Variants in RANBP10 observed in about 807,000 individuals in gnomAD.
RANBP10 encodes the protein ran-binding protein 10.
A neutral mutation model predicts 72.8 loss-of-function variants in RANBP10; 24 were observed. That is an observed-to-expected ratio of 0.33 (90% CI 0.24 to 0.46). The LOEUF is 0.46. Ranked by LOEUF, RANBP10 falls within the 20% of genes least tolerant of loss-of-function variation. The pLI is 1.00. For missense variants in RANBP10, 679 were observed against 817.5 expected (o/e 0.83, Z 2.07); for synonymous variants, 310 against 322.3 (o/e 0.96, Z 0.41).
chr16:67,798,718 G>A (rs1313563869), intron 2 of RANBP10, among the ~76,000 whole-genome samples: 3 of 152,070 alleles, frequency 2.0e-5, no homozygotes, highest in Non-Finnish European at 4.4e-5. Context: ...AAAGACAACC[G>A]CTATGAGAAA....
At chr16:67,732,525 G>A (rs933030798) in intron 6 of RANBP10, among the ~76,000 whole-genome samples, 2 of 152,142 alleles carry the variant, frequency 1.3e-5, no homozygotes, top group African/African-American at 4.8e-5. Context: ...AAGCTTTAAG[G>A]GGTAAATGAG....
At chr16:67,732,900 AAAT>A (rs1241949704) in intron 6 of RANBP10, among the ~76,000 whole-genome samples, 1 of 151,804 alleles carries the variant, frequency 6.6e-6, no homozygotes, top group Non-Finnish European at 1.5e-5. Context: ...ATACAAAAAA[AAAT>A]TACGCCCGGG....
chr16:67,750,392 C>CT (rs1721310134), intron 3 of RANBP10, among the ~76,000 whole-genome samples: 1 of 152,212 alleles, frequency 6.6e-6, no homozygotes, highest in Non-Finnish European at 1.5e-5. Context: ...TTCATAACAT[C>CT]TTTTGGTTCT....
chr16:67,739,531 A>G (rs774776285), intron 4 of RANBP10, among the ~76,000 whole-genome samples: 11 of 152,196 alleles, frequency 7.2e-5, no homozygotes, highest in Non-Finnish European at 8.8e-5. Context: ...CCAAGCTGGC[A>G]AAGTTCAGGT....
intron 2 of RANBP10, among the ~76,000 whole-genome samples, chr16:67,804,280 C>T (rs111456263): frequency 5.2e-4 from 79 of 152,030 alleles, no homozygotes; most frequent in Admixed American, 5.1e-3. Flanking sequence ...ACACCTGCTT[C>T]GTCACAATCA....
chr16:67,745,890 C>T (rs2054064612), intron 3 of RANBP10, among the ~76,000 whole-genome samples: 1 of 152,038 alleles, frequency 6.6e-6, no homozygotes, highest in South Asian at 2.1e-4. Flanking sequence ...GGTGCGGTGG[C>T]TCACGTCTAT....
chr16:67,780,725 G>C lies in RANBP10; in HGVS notation c.348-8639C>G, dbSNP rs560289852. On this transcript the variant is annotated intron_variant, in intron 2 of 13. Coordinates refer to ENST00000317506, the MANE Select transcript of RANBP10 (RefSeq NM_020850.3). Reference sequence around the variant, plus strand: ...GGAGCAGTGGGATGATGTGGAGACAGGCAAGTGCTCTTTAGAACACAGTTA... The same window carrying C: ...GGAGCAGTGGGATGATGTGGAGACACGCAAGTGCTCTTTAGAACACAGTTA... 1.1e-4 allele frequency among the ~76,000 whole-genome samples: 17 copies of C among 152,356 alleles called. No homozygotes were observed. The East Asian group carries it at 3.3e-3, about 29-fold the overall frequency.
At chr16:67,793,859 ATTTTTAT>A (rs1207105837) in intron 2 of RANBP10, among the ~76,000 whole-genome samples, 3 of 151,616 alleles carry the variant, frequency 2.0e-5, no homozygotes, top group East Asian at 3.9e-4. Context: ...TCTGCTATTT[ATTTTTAT>A]TTTTTATTTT....
intron 2 of RANBP10, among the ~76,000 whole-genome samples, chr16:67,803,831 A>T (rs781631750): frequency 0.055 from 6,342 of 114,852 alleles, 422 homozygotes; most frequent in African/African-American, 0.21. Context: ...CCATCTCATT[A>T]AAAAAAAAAA....
intron 3 of RANBP10, among the ~76,000 whole-genome samples, chr16:67,746,093 T>C (rs140361280): frequency 0.03 from 4,545 of 149,436 alleles, 99 homozygotes; most frequent in Middle Eastern, 0.16. Context: ...GAGGCGGAGG[T>C]TGCAGTGAGC....
intron 2 of RANBP10, among the ~76,000 whole-genome samples, chr16:67,796,871 C>T (rs1003094720): frequency 2.6e-5 from 4 of 152,172 alleles, no homozygotes; most frequent in Non-Finnish European, 2.9e-5. Context: ...ACAACACCAA[C>T]GATCCTAGAA....
rs996881771 is a variant in RANBP10, at chr16:67,726,432, T to C, written c.1859A>G (p.His620Arg). 6 of 1,612,522 alleles carry C rather than the reference T, an allele frequency of 3.7e-6. 1 individual carries two copies. The Admixed American group carries it at 8.4e-5, about 22-fold the overall frequency. ...AGAGCCAGCCAGCACAGTCAGCTAGTGCAAGTAGTCATCAACTCTGGCAAA... is the reference window on the plus strand; with the variant it reads ...AGAGCCAGCCAGCACAGTCAGCTAGCGCAAGTAGTCATCAACTCTGGCAAA... Reference protein sequence around the residue: ...CSFARVDDYLH With the variant: ...CSFARVDDYLR Residue 620 changes from histidine (H) to arginine (R), a missense_variant, in exon 14 of 14, where the codon CAC (histidine) becomes CGC (arginine). Transcript: ENST00000317506.
In RANBP10 at chr16:67,785,731, C is replaced by CAAAAAAAAAAAAAAAA. The variant is rs61683439; in HGVS notation, c.348-13646_348-13645insTTTTTTTTTTTTTTTT. On this transcript the variant is annotated intron_variant, in intron 2 of 13. Coordinates refer to ENST00000317506, the MANE Select transcript of RANBP10 (RefSeq NM_020850.3). ...AAACAGAGTGAGTGAGACTCCATCT[C>CAAAAAAAAAAAAAAAA]AAAAAAAAAAAAAAAGCCAGGCACA... Among the ~76,000 whole-genome samples, 12 of 71,744 alleles carry CAAAAAAAAAAAAAAAA rather than the reference C, an allele frequency of 1.7e-4. 1 individual carries two copies. The highest frequency in any genetic ancestry group is 4.1e-4 in the African/African-American group (6 of 14,592). 47.1% of individuals were successfully genotyped at this position (71,744 alleles called of 152,430 possible).
At chr16:67,805,375 C>T in intron 2 of RANBP10, 53 bp downstream of exon 2, 1 of 1,518,888 alleles carries the variant, frequency 6.6e-7, no homozygotes, top group Admixed American at 1.7e-5. Flanking sequence ...TGAACTCTGA[C>T]CACAGGGATC....
At chr16:67,775,758 T>G (rs2054692226) in intron 2 of RANBP10, among the ~76,000 whole-genome samples, 2 of 144,576 alleles carry the variant, frequency 1.4e-5, no homozygotes, top group Admixed American at 1.4e-4. Flanking sequence ...TAAGCAAGAT[T>G]GTGCCACTGG....
chr16:67,746,416 G>A (rs2054079081), intron 3 of RANBP10, among the ~76,000 whole-genome samples: 1 of 152,064 alleles, frequency 6.6e-6, no homozygotes, highest in African/African-American at 2.4e-5. Context: ...GGGAGGCAGA[G>A]CTTGCAGTGA....
At chr16:67,765,162 T>G (rs970048901) in intron 3 of RANBP10, among the ~76,000 whole-genome samples, 7 of 114,226 alleles carry the variant, frequency 6.1e-5, no homozygotes, top group Non-Finnish European at 8.1e-5. Flanking sequence ...ATTGCACCAC[T>G]GCACTCCAAC....
intron 12 of RANBP10, 78 bp from the exon 13 acceptor site, chr16:67,727,516 C>A: frequency 7.1e-7 from 1 of 1,413,784 alleles, no homozygotes; most frequent in Admixed American, 2.0e-5. Context: ...CAGAGGGAGA[C>A]AGGGCCCTGC....
At chr16:67,773,751 G>A (rs1330524871) in intron 2 of RANBP10, among the ~76,000 whole-genome samples, 1 of 152,164 alleles carries the variant, frequency 6.6e-6, no homozygotes. Flanking sequence ...CTTCAAAGAG[G>A]GAGTTTCATA....
Sources: gnomAD v4.1 joint callset for allele counts (sites outside exome capture counted in the v4.1 genomes callset) on GRCh38, gnomAD v4.1.1 for gene constraint, MANE v1.5 for transcripts, NCBI Gene and HGNC (gene_info 2026-07-23, HGNC 2026-07-21) for gene names.